Variants in SGCZ observed in about 807,000 individuals in gnomAD.
SGCZ encodes zeta-sarcoglycan.
In SGCZ, 40 loss-of-function variants were observed where a neutral mutation model predicts 41.3. That is an observed-to-expected ratio of 0.97 (90% CI 0.75 to 1.26). The LOEUF is 1.26. Among genes scored for constraint, SGCZ ranks in the 50% most tolerant of loss-of-function variants. The pLI, the probability that SGCZ is intolerant of heterozygous loss-of-function variation, is 0.00. For missense variants in SGCZ, 552 were observed against 369.8 expected (o/e 1.49, Z -4.04); for synonymous variants, 206 against 137.5 (o/e 1.50, Z -3.49).
chr8:14,358,648 G>A (rs1223702203), intron 2 of SGCZ, among the ~76,000 whole-genome samples: 1 of 152,104 alleles, frequency 6.6e-6, no homozygotes, highest in African/African-American at 2.4e-5. Flanking sequence ...GTCTTGCTCT[G>A]CTGCCCAGGC....
intron 1 of SGCZ, among the ~76,000 whole-genome samples, chr8:14,895,416 T>G (rs1397202246): frequency 6.6e-5 from 10 of 152,114 alleles, no homozygotes; most frequent in South Asian, 2.1e-4. Context: ...TGTGTTTTTT[T>G]GGGGGTGATA....
chr8:14,640,160 A>G (rs1174023470), intron 1 of SGCZ, among the ~76,000 whole-genome samples: 1 of 151,326 alleles, frequency 6.6e-6, no homozygotes, highest in Admixed American at 6.6e-5. Context: ...TAAGAAACAG[A>G]AAATTGGGAA....
intron 3 of SGCZ, among the ~76,000 whole-genome samples, chr8:14,272,328 G>GT (rs1800093014): frequency 6.6e-6 from 1 of 152,154 alleles, no homozygotes; most frequent in Admixed American, 6.5e-5. Context: ...TGATAGCTGA[G>GT]TTATATAAAT....
intron 3 of SGCZ, among the ~76,000 whole-genome samples, chr8:14,310,555 G>T (rs891438304): frequency 6.6e-6 from 1 of 151,952 alleles, no homozygotes; most frequent in African/African-American, 2.4e-5. Flanking sequence ...TGCACAATGT[G>T]CAGGTTAGCA....
At chr8:15,149,903 A>C (rs1799131499) in intron 1 of SGCZ, among the ~76,000 whole-genome samples, 2 of 152,180 alleles carry the variant, frequency 1.3e-5, no homozygotes, top group South Asian at 4.1e-4. Flanking sequence ...ATGTGCATCA[A>C]CAGAGACCTG....
At chr8:15,200,524 G>A (rs1424389252) in intron 1 of SGCZ, among the ~76,000 whole-genome samples, 2 of 152,130 alleles carry the variant, frequency 1.3e-5, no homozygotes, top group Non-Finnish European at 2.9e-5. Flanking sequence ...ACCATGGATA[G>A]CCTAATGGTA....
intron 1 of SGCZ, among the ~76,000 whole-genome samples, chr8:14,655,657 A>G (rs1807542291): frequency 1.3e-5 from 2 of 152,124 alleles, no homozygotes; most frequent in Admixed American, 1.3e-4. Context: ...AGTATCTTGT[A>G]AAACTATTAT....
intron 1 of SGCZ, among the ~76,000 whole-genome samples, chr8:14,912,871 C>A (rs1799317257): frequency 6.6e-6 from 1 of 152,104 alleles, no homozygotes; most frequent in South Asian, 2.1e-4. Flanking sequence ...CTTCTTGCAA[C>A]TGATCTGCTT....
intron 1 of SGCZ, among the ~76,000 whole-genome samples, chr8:14,904,223 C>G (rs937826003): frequency 3.3e-5 from 5 of 152,014 alleles, no homozygotes; most frequent in African/African-American, 1.2e-4. Context: ...ATTCTTCCCC[C>G]TGAACTTCTT....
At chr8:15,144,387 G>A (rs1376383799) in intron 1 of SGCZ, among the ~76,000 whole-genome samples, 4 of 151,602 alleles carry the variant, frequency 2.6e-5, no homozygotes, top group South Asian at 2.1e-4. Context: ...AAATATTAAC[G>A]TTTCCTAGTT....
At chr8:14,819,209 C>A (rs1009979483) in intron 1 of SGCZ, among the ~76,000 whole-genome samples, 1 of 151,786 alleles carries the variant, frequency 6.6e-6, no homozygotes, top group Non-Finnish European at 1.5e-5. Context: ...TAAGGGAACT[C>A]CCATTAGACT....
At chr8:14,527,634 A>G (rs1191940715) in intron 2 of SGCZ, among the ~76,000 whole-genome samples, 4 of 152,152 alleles carry the variant, frequency 2.6e-5, no homozygotes, top group East Asian at 3.9e-4. Context: ...CAAGGTACAC[A>G]TGACTATTTA....
At chr8:14,627,651 T>G (rs1441898530) in intron 1 of SGCZ, among the ~76,000 whole-genome samples, 1 of 152,142 alleles carries the variant, frequency 6.6e-6, no homozygotes, top group Admixed American at 6.6e-5. Context: ...CTATGAAATA[T>G]TCTCATTTTA....
intron 1 of SGCZ, among the ~76,000 whole-genome samples, chr8:15,148,530 C>G (rs1799094491): frequency 6.6e-6 from 1 of 152,172 alleles, no homozygotes; most frequent in Non-Finnish European, 1.5e-5. Context: ...ATAGGAATTG[C>G]AAGGCCATTT....
chr8:14,408,967 G>GTGTGTGTGCGTGTGCA (rs1189445282), intron 2 of SGCZ, among the ~76,000 whole-genome samples: 7 of 90,414 alleles, frequency 7.7e-5, no homozygotes, highest in Non-Finnish European at 1.3e-4. Flanking sequence ...GTGTGTGTGT[G>GTGTGTGTGCGTGTGCA]TGTGCATGTG....
chr8:14,090,684 C>A, intron 7 of SGCZ, 47 bp from the exon 8 acceptor site: 1 of 1,528,096 alleles, frequency 6.5e-7, no homozygotes, highest in South Asian at 1.2e-5. Context: ...AGAAATGTAG[C>A]ATCGAGTAAT....
chr8:14,831,364 C>A (rs1802520355), intron 1 of SGCZ, among the ~76,000 whole-genome samples: 1 of 152,058 alleles, frequency 6.6e-6, no homozygotes, highest in South Asian at 2.1e-4. Context: ...TGCAGGCAAT[C>A]AAAACAAGAT....
At chr8:14,834,825 T>C (rs1802643094) in intron 1 of SGCZ, among the ~76,000 whole-genome samples, 1 of 152,158 alleles carries the variant, frequency 6.6e-6, no homozygotes, top group Non-Finnish European at 1.5e-5. Context: ...CGGATACTGA[T>C]TTAATCTCTG....
intron 1 of SGCZ, among the ~76,000 whole-genome samples, chr8:14,875,471 A>G (rs921776303): frequency 1.3e-5 from 2 of 152,178 alleles, no homozygotes; most frequent in African/African-American, 4.8e-5. Flanking sequence ...AGCTTTGGAT[A>G]AGGAAGGGAC....
Sources: gnomAD v4.1 joint callset for allele counts (sites outside exome capture counted in the v4.1 genomes callset) on GRCh38, gnomAD v4.1.1 for gene constraint, MANE v1.5 for transcripts, NCBI Gene and HGNC (gene_info 2026-07-23, HGNC 2026-07-21) for gene names.